ADGRV1: variants seen among roughly 807,000 people sequenced by gnomAD.
The protein encoded by ADGRV1 is adhesion G protein-coupled receptor V1.
In ADGRV1, 359 loss-of-function variants were observed where a neutral mutation model predicts 596.2. The ratio of observed to expected loss-of-function variants is 0.60; its 90% CI spans 0.55 to 0.66. The LOEUF is 0.66. ADGRV1 is among the 30% of genes least tolerant of loss of function. ADGRV1 has a pLI of 0.00. For synonymous variants in ADGRV1, 2,681 were observed against 2,679.2 expected (o/e 1.00, Z -0.02); for missense variants, 7,274 against 7,575.6 (o/e 0.96, Z 1.48).
chr5:90,645,053 G>T (rs1383659333), intron 15 of ADGRV1, among the ~76,000 whole-genome samples, 184 bp downstream of exon 15: 1 of 152,232 alleles, frequency 6.6e-6, no homozygotes, highest in Non-Finnish European at 1.5e-5. Flanking sequence ...CTGAAGACAT[G>T]TTGAACTCTA....
intron 83 of ADGRV1, among the ~76,000 whole-genome samples, chr5:90,865,065 A>G (rs889429477): frequency 6.6e-6 from 1 of 152,158 alleles, no homozygotes; most frequent in African/African-American, 2.4e-5. Flanking sequence ...TCTAGGAGTG[A>G]AAATGACTGT....
intron 59 of ADGRV1, among the ~76,000 whole-genome samples, chr5:90,769,433 G>A (rs1430260748): frequency 2.6e-5 from 4 of 152,032 alleles, no homozygotes; most frequent in Non-Finnish European, 5.9e-5. Context: ...ATCACTGTAG[G>A]CTGGTAAAAA....
chr5:90,972,560 G>T (rs1043869644), intron 84 of ADGRV1, among the ~76,000 whole-genome samples: 1 of 152,226 alleles, frequency 6.6e-6, no homozygotes, highest in African/African-American at 2.4e-5. Flanking sequence ...ACTCAAAAGC[G>T]CTCAACTACA....
chr5:90,840,965 A>T lies in ADGRV1; in HGVS notation c.16999A>T (p.Met5667Leu), dbSNP rs201767389. 6 of 1,409,474 alleles carry T rather than the reference A, an allele frequency of 4.3e-6. No homozygotes were observed. In the Admixed American group the frequency reaches 1.5e-4, roughly 36 times the overall value. 87.3% of individuals were successfully genotyped at this position (1,409,474 alleles called of 1,614,324 possible). The change falls in exon 78 of 90, where the codon ATG becomes TTG. Residue 5667 changes from methionine (M) to leucine (L), a missense_variant. By Grantham distance (15) the Met-to-Leu change is conservative. Transcript: ENST00000405460. ...TENTDEQLSA[M>L]MHLIEKITTE... ...AAACACAGATGAACAACTCAGTGCC[A>T]TGATGCATTTAATAGAAAAGGTAAG...
chr5:90,774,180 A>T lies in ADGRV1; in HGVS notation c.12286-6A>T. On this transcript the variant is annotated splice_polypyrimidine_tract_variant and splice_region_variant and intron_variant, in intron 59 of 89. Transcript: ENST00000405460. The stretch of plus-strand genomic sequence containing the variant: ...GAAAATGCACTGTTTCTGTCATTGG[A>T]TGTAGACTGAGTCCCAGAAGACCAT... The T allele has an allele frequency of 6.5e-7, 1 of 1,544,398 alleles. No individual in the cohort carries two copies.
chr5:90,703,762 T>G lies in ADGRV1; in HGVS notation c.8253T>G (p.Phe2751Leu), dbSNP rs1160383772. Residue 2751 changes from phenylalanine (F) to leucine (L), a missense_variant, in exon 35 of 90, where the codon TTT becomes TTG. Around this residue, in one of 5 missense-constraint regions of ADGRV1, gnomAD observed 3,643 missense variants for 3,809.2 expected, o/e 0.96. Transcript: ENST00000405460. Reference protein sequence around the residue: ...KIIGQNLELNFANFSGQLFFP... With the variant: ...KIIGQNLELNLANFSGQLFFP... Reference sequence around the variant, plus strand: ...TTGGGCAAAATCTAGAACTCAATTTTGCTAACTTTAGCGGACAACTTTTCT... The same window carrying G: ...TTGGGCAAAATCTAGAACTCAATTTGGCTAACTTTAGCGGACAACTTTTCT... 1 of 1,603,158 alleles carries G rather than the reference T, an allele frequency of 6.2e-7. No homozygotes were observed. The highest frequency in any genetic ancestry group is 8.5e-7 in the Non-Finnish European group (1 of 1,174,384).
intron 83 of ADGRV1, among the ~76,000 whole-genome samples, chr5:90,883,955 C>T (rs1770038728): frequency 6.6e-6 from 1 of 152,210 alleles, no homozygotes; most frequent in South Asian, 2.1e-4. Flanking sequence ...TCATCCATAG[C>T]ATTCCTTATT....
chr5:90,884,611 G>A (rs903271573), intron 83 of ADGRV1, among the ~76,000 whole-genome samples: 2 of 152,074 alleles, frequency 1.3e-5, no homozygotes, highest in African/African-American at 4.8e-5. Flanking sequence ...CTATTCTTTG[G>A]AGACTGTCTT....
At chr5:90,659,959 G>A (rs1770008296) in intron 21 of ADGRV1, among the ~76,000 whole-genome samples, 1 of 152,036 alleles carries the variant, frequency 6.6e-6, no homozygotes, top group Admixed American at 6.6e-5. Context: ...GTGAACCCAG[G>A]AGGCAGAGCT....
chr5:91,138,732 A>T (rs759707463), intron 87 of ADGRV1, among the ~76,000 whole-genome samples: 10 of 151,660 alleles, frequency 6.6e-5, no homozygotes, highest in Non-Finnish European at 1.5e-4. Flanking sequence ...TGCTAGTGAG[A>T]CTTCCCAGAA....
At chr5:90,583,156 A>G (rs1216161566) in intron 1 of ADGRV1, among the ~76,000 whole-genome samples, 1 of 152,154 alleles carries the variant, frequency 6.6e-6, no homozygotes, top group Non-Finnish European at 1.5e-5. Flanking sequence ...TCATGCTTTC[A>G]GGTGACTAGA....
At chr5:90,834,197 T>G (rs769730910) in intron 77 of ADGRV1, among the ~76,000 whole-genome samples, 1 of 152,232 alleles carries the variant, frequency 6.6e-6, no homozygotes, top group Non-Finnish European at 1.5e-5. Context: ...TACAGTGTTA[T>G]AGTATTCTGT....
chr5:90,745,176 T>A lies in ADGRV1; in HGVS notation c.10680T>A (p.Asn3560Lys). The part of the protein sequence containing the change: ...DVASVTVKSL[N>K]SSKNLIALVG... ...CTTCTGTTACAGTAAAGTCCCTTAA[T>A]TCAAGCAAGAATTTAATAGCTCTAG... is the stretch of plus-strand genomic sequence containing the variant. Residue 3560 changes from asparagine to lysine, a missense_variant, in exon 51 of 90, where the codon AAT becomes AAA. By Grantham distance (94) the Asn-to-Lys change is moderately conservative (BLOSUM62 0). Around this residue, in one of 5 missense-constraint regions of ADGRV1, gnomAD observed 3,643 missense variants for 3,809.2 expected, o/e 0.96. Transcript: ENST00000405460. 6.2e-7 allele frequency: 1 copy of A among 1,613,516 alleles called. No individual in the cohort carries two copies. Among genetic ancestry groups the A allele is most frequent in the Non-Finnish European group, 8.5e-7 (1 of 1,179,764 alleles).
chr5:90,803,555 C>G (rs1019924668), intron 71 of ADGRV1, among the ~76,000 whole-genome samples: 2 of 152,066 alleles, frequency 1.3e-5, no homozygotes, highest in Non-Finnish European at 2.9e-5. Context: ...GCTCAAGATG[C>G]TGAGGTGGAA....
intron 83 of ADGRV1, among the ~76,000 whole-genome samples, chr5:90,959,070 G>A (rs1169758717): frequency 1.3e-5 from 2 of 152,064 alleles, no homozygotes; most frequent in Admixed American, 1.3e-4. Context: ...TATTTATATA[G>A]AGATGACATG....
At chr5:91,012,379 G>A (rs1782794263) in intron 85 of ADGRV1, among the ~76,000 whole-genome samples, 1 of 151,806 alleles carries the variant, frequency 6.6e-6, no homozygotes, top group Non-Finnish European at 1.5e-5. Flanking sequence ...GTTGCCTTCA[G>A]TTCTCCTTTA....
chr5:90,874,750 C>T (rs1033957527), intron 83 of ADGRV1, among the ~76,000 whole-genome samples: 2 of 151,570 alleles, frequency 1.3e-5, no homozygotes, highest in African/African-American at 2.4e-5. Context: ...CTCAGCTTCT[C>T]GGGAGGCTGA....
intron 78 of ADGRV1, among the ~76,000 whole-genome samples, chr5:90,843,903 G>C (rs953029506): frequency 2.0e-5 from 3 of 152,044 alleles, no homozygotes; most frequent in Non-Finnish European, 2.9e-5. Flanking sequence ...TTTAAGCATA[G>C]CAATAATAAT....
intron 83 of ADGRV1, among the ~76,000 whole-genome samples, chr5:90,937,061 G>T (rs1443208264): frequency 6.6e-6 from 1 of 152,044 alleles, no homozygotes; most frequent in African/African-American, 2.4e-5. Context: ...TTCTAATGTA[G>T]ATAATTTGTA....
Sources: gnomAD v4.1 joint callset for allele counts (sites outside exome capture counted in the v4.1 genomes callset) on GRCh38, gnomAD v4.1.1 for gene constraint, gnomAD v4.1.1 regional missense constraint, MANE v1.5 for transcripts, NCBI Gene and HGNC (gene_info 2026-07-23, HGNC 2026-07-21) for gene names.